ASXL2: variants seen among roughly 807,000 people sequenced by gnomAD.
ASXL2 encodes ASXL transcriptional regulator 2.
Under a neutral mutation model 122.0 loss-of-function variants are expected in ASXL2, and 23 were observed. The ratio of observed to expected loss-of-function variants is 0.19; its 90% CI spans 0.14 to 0.27. The LOEUF is 0.27. Among genes scored for constraint, ASXL2 ranks in the 10% least tolerant of loss-of-function variants. The pLI is 1.00. For missense variants in ASXL2, 1,518 were observed against 1,713.8 expected, an observed-to-expected ratio of 0.89 and a Z score of 2.02; for synonymous variants, 650 against 637.0, an observed-to-expected ratio of 1.02 and a Z score of -0.31.
chr2:25,806,391 T>G (rs149655743), intron 3 of ASXL2, 54 bp from the exon 4 acceptor site: 2 of 1,223,674 alleles, frequency 1.6e-6, no homozygotes, highest in Non-Finnish European at 2.4e-6. Context: ...TTTCTGTCTC[T>G]GAATATCCTA....
intron 3 of ASXL2, among the ~76,000 whole-genome samples, chr2:25,828,523 A>AC (rs1184987916): frequency 1.3e-5 from 2 of 148,922 alleles, no homozygotes; most frequent in East Asian, 2.0e-4. Context: ...AAAAAAAATA[A>AC]AAAGAAAAGA....
intron 6 of ASXL2, among the ~76,000 whole-genome samples, chr2:25,770,421 G>C (rs779481788): frequency 4.6e-5 from 7 of 152,096 alleles, no homozygotes; most frequent in African/African-American, 1.7e-4. Flanking sequence ...GATTACAGGC[G>C]TGAGTCACTG....
rs1574389225 is a variant in ASXL2, at chr2:25,742,465, G to C, written c.3872C>G (p.Ser1291Cys). 2.5e-6 allele frequency: 4 copies of C among 1,612,986 alleles called. No homozygotes were observed. The highest frequency in any genetic ancestry group is 3.4e-6 in the Non-Finnish European group (4 of 1,179,484). ...AIRSSPELFSSTVLPLPADSP... is the reference protein window; with the variant it reads ...AIRSSPELFSCTVLPLPADSP... ...GTCTGCAGGCAGAGGAAGAACAGTA[G>C]AACTGAAAAGCTCGGGGCTGCTACG... The change falls in exon 13 of 13, where the codon TCT (serine) becomes TGT (cysteine). Residue 1291 changes from serine to cysteine, a missense_variant. Ser to Cys is a moderately radical substitution (Grantham distance 112). Around this residue, in one of 8 missense-constraint regions of ASXL2, gnomAD observed 831 missense variants for 833.1 expected, o/e 1.00. Coordinates refer to ENST00000435504, the MANE Select transcript of ASXL2 (RefSeq NM_018263.6).
At chr2:25,824,629 C>T (rs1240337070) in intron 3 of ASXL2, among the ~76,000 whole-genome samples, 1 of 152,140 alleles carries the variant, frequency 6.6e-6, no homozygotes, top group Non-Finnish European at 1.5e-5. Flanking sequence ...AGGTTTAGAG[C>T]TTGTTTTCTA....
At chr2:25,853,410 C>G (rs2149196880) in intron 1 of ASXL2, among the ~76,000 whole-genome samples, 1 of 152,304 alleles carries the variant, frequency 6.6e-6, no homozygotes, top group East Asian at 1.9e-4. Flanking sequence ...ATGCACTTTT[C>G]TGTTCAGCTT....
intron 3 of ASXL2, among the ~76,000 whole-genome samples, chr2:25,807,026 A>C (rs540507238): frequency 6.6e-6 from 1 of 152,280 alleles, no homozygotes; most frequent in Admixed American, 6.5e-5. Context: ...TCTACATCTA[A>C]GGAAAATAAC....
chr2:25,805,113 G>C (rs1214849893), intron 4 of ASXL2, among the ~76,000 whole-genome samples: 1 of 152,176 alleles, frequency 6.6e-6, no homozygotes, highest in East Asian at 1.9e-4. Context: ...ATGGGCTTGG[G>C]AATTCAGTCA....
At chr2:25,850,157 GTA>G (rs2089698888) in intron 1 of ASXL2, among the ~76,000 whole-genome samples, 2 of 150,668 alleles carry the variant, frequency 1.3e-5, no homozygotes, top group South Asian at 4.2e-4. Context: ...TATTATTGTA[GTA>G]TATATCTCTG....
intron 6 of ASXL2, 95 bp from the exon 7 acceptor site, chr2:25,768,963 ATC>A: frequency 7.3e-7 from 1 of 1,366,864 alleles, no homozygotes; most frequent in Non-Finnish European, 9.8e-7. Flanking sequence ...AAGCATGCTG[ATC>A]GTTCAATTTC....
At chr2:25,848,267 A>G (rs1190941311) in intron 1 of ASXL2, among the ~76,000 whole-genome samples, 1 of 152,210 alleles carries the variant, frequency 6.6e-6, no homozygotes, top group Non-Finnish European at 1.5e-5. Context: ...TCTGCAAAAC[A>G]AGGAATTAAG....
At chr2:25,810,437 G>A in intron 3 of ASXL2, 1 of 703,044 alleles carries the variant, frequency 1.4e-6, no homozygotes, top group Non-Finnish European at 2.6e-6. Context: ...GGCTTTTGCA[G>A]GGCAGTGGCC....
At chr2:25,821,008 C>T (rs917876950) in intron 3 of ASXL2, among the ~76,000 whole-genome samples, 4 of 151,608 alleles carry the variant, frequency 2.6e-5, no homozygotes, top group Non-Finnish European at 5.9e-5. Flanking sequence ...GGAGAAACCC[C>T]GTCTCTACTA....
At chr2:25,813,772 C>T (rs575082209) in intron 3 of ASXL2, among the ~76,000 whole-genome samples, 1 of 152,208 alleles carries the variant, frequency 6.6e-6, no homozygotes, top group Non-Finnish European at 1.5e-5. Context: ...AACTGTCGGC[C>T]GGGCGCAGTG....
chr2:25,765,366 G>T (rs1308481553), intron 8 of ASXL2, among the ~76,000 whole-genome samples: 1 of 151,876 alleles, frequency 6.6e-6, no homozygotes, highest in East Asian at 1.9e-4. Context: ...GGCACCTGTC[G>T]TCCCAGCTAC....
At chr2:25,837,094 G>C (rs868466000) in intron 2 of ASXL2, among the ~76,000 whole-genome samples, 1,937 of 117,584 alleles carry the variant, frequency 0.016, 59 homozygotes, top group African/African-American at 0.054. Context: ...TGGGGGGGGG[G>C]GGCGTGGGAA....
Position 25,767,665 on chromosome 2 carries a change from G to C in ASXL2, c.693C>G (p.Ser231Arg). ...QTGSPQNSNS[S>R]FSSSVKVENT... is the part of the protein sequence containing the mutation. ...TTTCCACTTTAACTGAGGAAGAAAA[G>C]CTGGAGTTTGAGTTTTGAGGGCTGC... The change falls in exon 8 of 13, where the codon AGC (serine) becomes AGG (arginine). Residue 231 changes from serine to arginine, a missense_variant. Physicochemically the swap from Ser to Arg is moderately radical, Grantham distance 110. Around this residue, in one of 8 missense-constraint regions of ASXL2, gnomAD observed 198 missense variants for 209.0 expected, o/e 0.95. Transcript: ENST00000435504. The C allele has an allele frequency of 6.2e-7, 1 of 1,613,958 alleles. No homozygotes were observed. Among genetic ancestry groups the C allele is most frequent in the Non-Finnish European group, 8.5e-7 (1 of 1,179,868 alleles).
intron 5 of ASXL2, among the ~76,000 whole-genome samples, chr2:25,790,333 G>T (rs1335330244): frequency 7.6e-6 from 1 of 131,460 alleles, no homozygotes; most frequent in African/African-American, 2.8e-5. Context: ...GGGGTGGGGG[G>T]GGTGTGAGAA....
At chr2:25,814,027 G>A (rs2089204356) in intron 3 of ASXL2, among the ~76,000 whole-genome samples, 1 of 152,134 alleles carries the variant, frequency 6.6e-6, no homozygotes, top group Middle Eastern at 3.2e-3. Context: ...TCCAGCCTGG[G>A]CGACAGAGCG....
chr2:25,810,682 C>T (rs2089154357), intron 3 of ASXL2: 3 of 712,534 alleles, frequency 4.2e-6, no homozygotes, highest in African/African-American at 3.5e-5. Context: ...ACTGCTCACA[C>T]TCCAGATCCT....
Sources: gnomAD v4.1 joint callset for allele counts (sites outside exome capture counted in the v4.1 genomes callset) on GRCh38, gnomAD v4.1.1 for gene constraint, gnomAD v4.1.1 regional missense constraint, MANE v1.5 for transcripts, NCBI Gene and HGNC (gene_info 2026-07-23, HGNC 2026-07-21) for gene names.